The following FGF12 variants were observed in gnomAD, a reference collection of about 807,000 sequenced individuals.
FGF12 encodes the protein fibroblast growth factor 12B.
Under a neutral mutation model 23.6 loss-of-function variants are expected in FGF12, and 14 were observed. The ratio of observed to expected loss-of-function variants is 0.59; its 90% CI spans 0.39 to 0.93. The LOEUF is 0.93. Ranked by LOEUF, FGF12 falls within the 40% of genes least tolerant of loss-of-function variation. FGF12 has a pLI of 0.00. For missense variants in FGF12, 175 were observed against 217.8 expected, an observed-to-expected ratio of 0.80 and a Z score of 1.24; for synonymous variants, 62 against 77.3, an observed-to-expected ratio of 0.80 and a Z score of 1.04.
At chr3:192,240,246 C>G (rs1024161150) in intron 4 of FGF12, among the ~76,000 whole-genome samples, 7 of 152,148 alleles carry the variant, frequency 4.6e-5, no homozygotes, top group Admixed American at 4.6e-4. Flanking sequence ...TTACCATATA[C>G]TGGAGAGCTT....
intron 5 of FGF12, among the ~76,000 whole-genome samples, chr3:192,168,265 G>T (rs1229948969): frequency 6.6e-6 from 1 of 152,072 alleles, no homozygotes; most frequent in Non-Finnish European, 1.5e-5. Context: ...ATAATTAAGA[G>T]CATAATTCAT....
intron 4 of FGF12, among the ~76,000 whole-genome samples, chr3:192,320,660 T>G (rs1251060568): frequency 1.3e-5 from 2 of 152,106 alleles, no homozygotes; most frequent in African/African-American, 4.8e-5. Context: ...AAGGGGAATT[T>G]TGAAAACTCT....
chr3:192,328,652 T>C (rs1716949997), intron 4 of FGF12, among the ~76,000 whole-genome samples: 1 of 152,188 alleles, frequency 6.6e-6, no homozygotes, highest in Admixed American at 6.5e-5. Context: ...TGGAAAGTTA[T>C]CAATCTAAAG....
intron 2 of FGF12, among the ~76,000 whole-genome samples, chr3:192,464,529 T>C (rs1362713012): frequency 3.3e-5 from 5 of 151,762 alleles, no homozygotes; most frequent in African/African-American, 1.2e-4. Flanking sequence ...TGTGTGTGTG[T>C]GTGTGTGTGT....
chr3:192,285,580 T>C lies in FGF12; in HGVS notation c.228+49781A>G, dbSNP rs141374792. ...TAGTTCAGTTACTGTCATTTTCTTA[T>C]TATAACTTGAAATTCTTTTAAATTC... is the stretch of plus-strand genomic sequence containing the variant. On this transcript the variant is annotated intron_variant, in intron 4 of 5. Coordinates refer to ENST00000445105, the MANE Select transcript of FGF12 (RefSeq NM_004113.6). Among the ~76,000 whole-genome samples, 199 of 152,194 alleles carry C rather than the reference T, an allele frequency of 1.3e-3. 1 individual carries two copies. Among genetic ancestry groups the C allele is most frequent in the African/African-American group, 4.6e-3 (191 of 41,558 alleles).
chr3:192,144,238 TCTC>T, intron 5 of FGF12, 111 bp from the exon 6 acceptor site: 1 of 636,296 alleles, frequency 1.6e-6, no homozygotes, highest in Non-Finnish European at 2.8e-6. Flanking sequence ...AAGCTCTTCT[TCTC>T]ATTATAAAAA....
rs74764696 is a variant in FGF12 at position 192,195,071 on chromosome 3, T to G, written c.229-24415A>C. On this transcript the variant is annotated intron_variant, in intron 4 of 5. Transcript: ENST00000445105. ...GGTTGTCTTGGAGCCAGAACTAGGA[T>G]GCAGATTGGCAGTCCTATACGTAGC... Among the ~76,000 whole-genome samples the G allele has an allele frequency of 3.3e-3, 507 of 152,328 alleles. 8 individuals carry two copies. The highest frequency in any genetic ancestry group is 0.031 in the East Asian group (161 of 5,176).
intron 2 of FGF12, among the ~76,000 whole-genome samples, chr3:192,685,786 T>C (rs1717711298): frequency 6.6e-6 from 1 of 152,238 alleles, no homozygotes; most frequent in African/African-American, 2.4e-5. Flanking sequence ...ATATAAGGAC[T>C]GTGATAAAAA....
chr3:192,572,427 G>A (rs544054339), intron 2 of FGF12, among the ~76,000 whole-genome samples: 1 of 152,242 alleles, frequency 6.6e-6, no homozygotes, highest in East Asian at 1.9e-4. Context: ...GCAGGCAGGT[G>A]ATTTAAAAGA....
chr3:192,349,221 C>T (rs964397520), intron 3 of FGF12, among the ~76,000 whole-genome samples: 4 of 152,062 alleles, frequency 2.6e-5, no homozygotes, highest in Admixed American at 2.0e-4. Context: ...ACCTTGCAAT[C>T]AGTAACTTAT....
At chr3:192,250,955 C>G (rs1711968045) in intron 4 of FGF12, among the ~76,000 whole-genome samples, 1 of 152,078 alleles carries the variant, frequency 6.6e-6, no homozygotes, top group Non-Finnish European at 1.5e-5. Context: ...TACTTAATTA[C>G]TGGTATCCAG....
At chr3:192,641,128 C>T (rs1297033154) in intron 2 of FGF12, among the ~76,000 whole-genome samples, 1 of 29,974 alleles carries the variant, frequency 3.3e-5, no homozygotes, top group Non-Finnish European at 6.9e-5. Flanking sequence ...TTTTTTGAGA[C>T]GGAGTCTCAC....
chr3:192,611,711 A>G (rs182693166), intron 2 of FGF12, among the ~76,000 whole-genome samples: 1 of 152,092 alleles, frequency 6.6e-6, no homozygotes, highest in Non-Finnish European at 1.5e-5. Flanking sequence ...TCCTGCTGTC[A>G]TATTAAAAGG....
chr3:192,515,711 A>C (rs1724647253), intron 2 of FGF12, among the ~76,000 whole-genome samples: 1 of 152,068 alleles, frequency 6.6e-6, no homozygotes, highest in Non-Finnish European at 1.5e-5. Flanking sequence ...AAGACAAAAG[A>C]GCGCTTCGCT....
At chr3:192,307,346 T>C (rs1420935631) in intron 4 of FGF12, among the ~76,000 whole-genome samples, 11 of 152,284 alleles carry the variant, frequency 7.2e-5, no homozygotes, top group Admixed American at 5.2e-4. Context: ...TATCGTCACC[T>C]CCAGGGTACG....
At chr3:192,528,949 G>T (rs1324500045) in intron 2 of FGF12, among the ~76,000 whole-genome samples, 1 of 152,088 alleles carries the variant, frequency 6.6e-6, no homozygotes, top group Non-Finnish European at 1.5e-5. Flanking sequence ...TAGTCCTCTA[G>T]GCCTGAGATG....
At chr3:192,516,132 CT>C (rs1466783063) in intron 2 of FGF12, among the ~76,000 whole-genome samples, 2 of 127,118 alleles carry the variant, frequency 1.6e-5, no homozygotes, top group Admixed American at 1.4e-4. Context: ...CACACACCCC[CT>C]GAGAGTTAAG....
intron 2 of FGF12, among the ~76,000 whole-genome samples, chr3:192,504,652 A>G (rs1724241084): frequency 6.6e-6 from 1 of 152,166 alleles, no homozygotes; most frequent in South Asian, 2.1e-4. Flanking sequence ...GCTGCTGAGT[A>G]GGCACTAATG....
intron 2 of FGF12, among the ~76,000 whole-genome samples, chr3:192,661,366 A>G (rs1335679636): frequency 6.6e-6 from 1 of 152,190 alleles, no homozygotes; most frequent in African/African-American, 2.4e-5. Flanking sequence ...TACTAAAAAT[A>G]CAAAACTTAG....
Sources: allele counts gnomAD v4.1 joint callset (sites outside exome capture counted in the v4.1 genomes callset), GRCh38; gene constraint gnomAD v4.1.1; transcripts MANE v1.5; gene names NCBI Gene and HGNC (gene_info 2026-07-23, HGNC 2026-07-21).